Variants in ARFGEF3 observed in about 807,000 individuals in gnomAD.
ARFGEF3 encodes the protein brefeldin A-inhibited guanine nucleotide-exchange protein 3.
In ARFGEF3, 96 loss-of-function variants were observed where a neutral mutation model predicts 221.7. The observed-to-expected ratio is 0.43, with a 90% CI of 0.37 to 0.51. ARFGEF3 has a LOEUF of 0.51. ARFGEF3 is among the 20% of genes least tolerant of loss of function. The pLI, the probability that ARFGEF3 is intolerant of heterozygous loss-of-function variation, is 0.00. For missense variants in ARFGEF3, 2,410 were observed against 2,789.9 expected (o/e 0.86, Z 3.07); for synonymous variants, 1,145 against 1,126.8 (o/e 1.02, Z -0.32).
intron 8 of ARFGEF3, among the ~76,000 whole-genome samples, chr6:138,249,042 G>A (rs944735552): frequency 6.6e-6 from 1 of 152,148 alleles, no homozygotes; most frequent in South Asian, 2.1e-4. Flanking sequence ...TCAGCTCCAG[G>A]AATCCCTCTC....
At chr6:138,271,553 C>A (rs1469868244) in intron 12 of ARFGEF3, among the ~76,000 whole-genome samples, 1 of 152,110 alleles carries the variant, frequency 6.6e-6, no homozygotes, top group Admixed American at 6.5e-5. Context: ...GCACTATTAT[C>A]CTCATTTTAC....
chr6:138,252,025 T>A (rs1778592293), intron 8 of ARFGEF3, among the ~76,000 whole-genome samples: 1 of 152,156 alleles, frequency 6.6e-6, no homozygotes, highest in Non-Finnish European at 1.5e-5. Context: ...GAATGGCTCA[T>A]CATTTCTTAC....
At position 138,329,525 on chromosome 6, in the gene ARFGEF3, ATGATG is replaced by A. The variant is rs1305401137; in HGVS notation, c.5123+1384_5123+1388del. Reference sequence around the variant, plus strand: ...CTAAAAATACAAAAATTAGCCAGGCATGATGGCATGCACCTGTAGTCCCAGCTACT... The same window carrying A: ...CTAAAAATACAAAAATTAGCCAGGCAGCATGCACCTGTAGTCCCAGCTACT... On this transcript the variant is annotated intron_variant, in intron 32 of 33. Coordinates refer to ENST00000251691, the MANE Select transcript of ARFGEF3 (RefSeq NM_020340.5). Among the ~76,000 whole-genome samples the A allele has an allele frequency of 2.0e-5, 3 of 152,152 alleles. No individual in the cohort carries two copies. The East Asian group carries it at 5.8e-4, about 29-fold the overall frequency.
intron 2 of ARFGEF3, among the ~76,000 whole-genome samples, chr6:138,198,833 A>G (rs780885210): frequency 5.3e-5 from 8 of 152,270 alleles, no homozygotes; most frequent in African/African-American, 1.2e-4. Context: ...CATTCTTAAC[A>G]TAGTGGACCT....
rs749006587 is a variant in ARFGEF3 at position 138,317,368 on chromosome 6, C to T, written c.4463C>T (p.Thr1488Met). ...CTCTTTGAGCTGTTGAGAGATGTGA[C>T]GAAAACACCAGGTAAATATTTCTGT... Reference protein sequence around the residue: ...DLLFELLRDVTKTPGPGFGIY... With the variant: ...DLLFELLRDVMKTPGPGFGIY... The change falls in exon 27 of 34, where the codon ACG (threonine) becomes ATG (methionine). Residue 1488 changes from threonine to methionine, a missense_variant. By Grantham distance (81) the Thr-to-Met change is moderately conservative. Transcript: ENST00000251691. The T allele has an allele frequency of 1.9e-5, 30 of 1,613,768 alleles. No homozygotes were observed. Among genetic ancestry groups the T allele is most frequent in the Non-Finnish European group, 2.2e-5 (26 of 1,179,886 alleles).
chr6:138,174,175 A>G (rs76477554), intron 2 of ARFGEF3, among the ~76,000 whole-genome samples: 1 of 152,144 alleles, frequency 6.6e-6, no homozygotes, highest in Non-Finnish European at 1.5e-5. Context: ...AGGAGGTTTC[A>G]GTTTGTGATT....
intron 32 of ARFGEF3, among the ~76,000 whole-genome samples, chr6:138,330,896 C>T (rs576033741): frequency 1.3e-5 from 2 of 152,266 alleles, no homozygotes; most frequent in South Asian, 4.1e-4. Context: ...CCGTTTCCCT[C>T]AACCACCAGT....
chr6:138,192,511 TCA>T (rs1000391811), intron 2 of ARFGEF3, among the ~76,000 whole-genome samples: 2 of 145,410 alleles, frequency 1.4e-5, no homozygotes, highest in African/African-American at 2.6e-5. Context: ...CCAAACAAAC[TCA>T]GCTATGAGGT....
At chr6:138,233,741 C>T (rs1778235268) in intron 5 of ARFGEF3, among the ~76,000 whole-genome samples, 1 of 152,072 alleles carries the variant, frequency 6.6e-6, no homozygotes, top group Non-Finnish European at 1.5e-5. Flanking sequence ...AAATGTTCTA[C>T]AATTAAGGAA....
chr6:138,307,785 C>A (rs1047414693), intron 23 of ARFGEF3, among the ~76,000 whole-genome samples: 2 of 152,136 alleles, frequency 1.3e-5, no homozygotes, highest in Non-Finnish European at 2.9e-5. Context: ...GATGGGTACC[C>A]ATAAAGCATG....
intron 9 of ARFGEF3, among the ~76,000 whole-genome samples, chr6:138,254,436 A>AAATAAT (rs753655440): frequency 6.6e-6 from 1 of 150,540 alleles, no homozygotes; most frequent in Non-Finnish European, 1.5e-5. Flanking sequence ...AAAAAAAATT[A>AAATAAT]AATAATAATA....
At chr6:138,203,395 A>C (rs1300034893) in intron 2 of ARFGEF3, among the ~76,000 whole-genome samples, 1 of 152,196 alleles carries the variant, frequency 6.6e-6, no homozygotes, top group Non-Finnish European at 1.5e-5. Flanking sequence ...GGTTGTAGTG[A>C]AAGTTAAGAT....
At chr6:138,181,715 A>T (rs1194431620) in intron 2 of ARFGEF3, among the ~76,000 whole-genome samples, 1 of 152,096 alleles carries the variant, frequency 6.6e-6, no homozygotes, top group Non-Finnish European at 1.5e-5. Flanking sequence ...AAGTGCTGGG[A>T]TTATGTGTGA....
rs937845019 is a variant in ARFGEF3 at position 138,320,944 on chromosome 6, GC to G, written c.4652-166del. ...AAAATTATTGTTTTACTGGGTTTTG[GC>G]GGGGGGGGGCAGGAGGAGGATATGG... is the stretch of plus-strand genomic sequence containing the variant. On this transcript the variant is annotated intron_variant, in intron 28 of 33. Coordinates refer to ENST00000251691, the MANE Select transcript of ARFGEF3 (RefSeq NM_020340.5). 8.8e-4 allele frequency among the ~76,000 whole-genome samples: 21 copies of G among 23,964 alleles called. 1 individual carries two copies. The highest frequency in any genetic ancestry group is 3.0e-3 in the East Asian group (5 of 1,684). 15.7% of individuals were successfully genotyped at this position (23,964 alleles called of 152,430 possible).
At chr6:138,204,591 A>G (rs956181382) in intron 2 of ARFGEF3, among the ~76,000 whole-genome samples, 2 of 152,182 alleles carry the variant, frequency 1.3e-5, no homozygotes, top group African/African-American at 4.8e-5. Flanking sequence ...TTTGGAATGC[A>G]TGGTCTAAAA....
At chr6:138,186,108 G>A (rs933821411) in intron 2 of ARFGEF3, among the ~76,000 whole-genome samples, 13 of 152,140 alleles carry the variant, frequency 8.5e-5, no homozygotes, top group Admixed American at 1.3e-4. Flanking sequence ...AATATCTGTC[G>A]TTTAGATGTG....
rs202091423 is a variant in ARFGEF3, at chr6:138,287,077, T to C, written c.2789T>C (p.Val930Ala). 3.2e-6 allele frequency: 5 copies of C among 1,570,068 alleles called. No individual in the cohort carries two copies. The East Asian group carries it at 1.2e-4, about 37-fold the overall frequency. ...TCATTGTGTGTCTCCTCTGAAGGCG[T>C]TGCTGCTAACTGCGCCTCAGCCCTT... ...KAARLSCALGVAANCASALAQ... is the reference protein window; with the variant it reads ...KAARLSCALGAAANCASALAQ... Residue 930 changes from valine to alanine, a missense_variant, in exon 17 of 34, where the codon GTT becomes GCT. By Grantham distance (64) the Val-to-Ala change is moderately conservative (BLOSUM62 0). This residue lies in a region of ARFGEF3 where 594 missense variants were observed against 734.3 expected (regional missense o/e 0.81). Transcript: ENST00000251691.
rs966401372 is a variant in ARFGEF3 at position 138,185,225 on chromosome 6, G to C, written c.137+14512G>C. ...AATGATGCTTGGAGCAGCTATAGCTGTTTGCAGCTGTGAAAGGAGCCAGCC... is the reference window on the plus strand; with the variant it reads ...AATGATGCTTGGAGCAGCTATAGCTCTTTGCAGCTGTGAAAGGAGCCAGCC... On this transcript the variant is annotated intron_variant, in intron 2 of 33. Coordinates refer to ENST00000251691, the MANE Select transcript of ARFGEF3 (RefSeq NM_020340.5). Among the ~76,000 whole-genome samples, 13 of 152,206 alleles carry C rather than the reference G, an allele frequency of 8.5e-5. 1 individual carries two copies. Among genetic ancestry groups the C allele is most frequent in the South Asian group, 8.3e-4 (4 of 4,830 alleles).
intron 4 of ARFGEF3, among the ~76,000 whole-genome samples, chr6:138,214,429 T>TGTTTTAAAAG (rs1777795666): frequency 6.6e-6 from 1 of 152,232 alleles, no homozygotes; most frequent in South Asian, 2.1e-4. Flanking sequence ...GTGGACATCT[T>TGTTTTAAAAG]CAAATGTTGG....
Sources: gnomAD v4.1 joint callset for allele counts (sites outside exome capture counted in the v4.1 genomes callset) on GRCh38, gnomAD v4.1.1 for gene constraint, gnomAD v4.1.1 regional missense constraint, MANE v1.5 for transcripts, NCBI Gene and HGNC (gene_info 2026-07-23, HGNC 2026-07-21) for gene names.